NLRC5: variants seen among roughly 807,000 people sequenced by gnomAD.
NLRC5 encodes NLR family CARD domain containing 5.
In NLRC5, 114 loss-of-function variants were observed where a neutral mutation model predicts 206.9. That is an observed-to-expected ratio of 0.55 (90% confidence interval 0.47 to 0.64). NLRC5 has a LOEUF of 0.64. Among genes scored for constraint, NLRC5 ranks in the 30% least tolerant of loss-of-function variants. NLRC5 has a pLI of 0.00. For synonymous variants in NLRC5, 952 were observed against 962.8 expected (o/e 0.99, Z 0.21); for missense variants, 2,008 against 2,305.5 (o/e 0.87, Z 2.64).
chr16:57,045,684 G>A (rs1201894066), intron 21 of NLRC5, among the ~76,000 whole-genome samples, 192 bp downstream of exon 21: 1 of 152,126 alleles, frequency 6.6e-6, no homozygotes, highest in African/African-American at 2.4e-5. Context: ...CAACTGCCCT[G>A]TTTTCCCCTT....
intron 38 of NLRC5, among the ~76,000 whole-genome samples, chr16:57,072,896 G>C (rs529749884): frequency 6.6e-6 from 1 of 151,862 alleles, no homozygotes; most frequent in African/African-American, 2.4e-5. Flanking sequence ...AAATTCTTCC[G>C]CTTGTCCCTC....
intron 19 of NLRC5, among the ~76,000 whole-genome samples, 153 bp downstream of exon 19, chr16:57,042,218 G>A (rs2143710506): frequency 6.6e-6 from 1 of 152,314 alleles, no homozygotes; most frequent in African/African-American, 2.4e-5. Context: ...GTGAAGGCTA[G>A]CTAATAGATG....
chr16:57,017,819 G>A (rs1263578915), intron 2 of NLRC5, among the ~76,000 whole-genome samples: 6 of 152,178 alleles, frequency 3.9e-5, no homozygotes, highest in African/African-American at 1.2e-4. Context: ...TCCCACCAAA[G>A]GCCTAGAAAG....
intron 4 of NLRC5, 67 bp from the exon 5 acceptor site, chr16:57,023,718 G>T (rs542527366): frequency 6.5e-6 from 9 of 1,391,366 alleles, no homozygotes; most frequent in Non-Finnish European, 8.0e-6. Context: ...TTCCCCAAAG[G>T]TTCTGGGTAA....
chr16:57,051,428 T>A, intron 23 of NLRC5, 110 bp from the exon 24 acceptor site: 1 of 769,212 alleles, frequency 1.3e-6, no homozygotes, highest in Non-Finnish European at 2.3e-6. Flanking sequence ...GAGGGAATGT[T>A]TCAGGTGACC....
intron 10 of NLRC5, among the ~76,000 whole-genome samples, chr16:57,030,438 A>G (rs1313768140): frequency 6.7e-5 from 6 of 89,638 alleles, no homozygotes; most frequent in Non-Finnish European, 1.1e-4. Context: ...GTGGATGAAA[A>G]GATGGATGGA....
At chr16:57,038,817 T>A (rs1376636110) in intron 15 of NLRC5, among the ~76,000 whole-genome samples, 1 of 151,468 alleles carries the variant, frequency 6.6e-6, no homozygotes, top group Non-Finnish European at 1.5e-5. Context: ...CACCTGTAAT[T>A]CCAGCTACTC....
In NLRC5 at chr16:57,019,089, G is replaced by C. The variant is rs184053037; in HGVS notation, c.-12-1612G>C. Among the ~76,000 whole-genome samples, 102 of 152,280 alleles carry C rather than the reference G, an allele frequency of 6.7e-4. 2 individuals carry two copies. Among genetic ancestry groups the C allele is most frequent in the African/African-American group, 2.4e-3 (98 of 41,550 alleles). Reference sequence around the variant, plus strand: ...GTGCCCTCTATTGGTACTTCTAGAAGGAGGTGGTTTAAGAGTTCCAGTTCG... The same window carrying C: ...GTGCCCTCTATTGGTACTTCTAGAACGAGGTGGTTTAAGAGTTCCAGTTCG... On this transcript the variant is annotated intron_variant, in intron 2 of 48. Coordinates refer to ENST00000688547, the MANE Select transcript of NLRC5 (RefSeq NM_001384950.1).
At chr16:57,047,449 G>A in intron 22 of NLRC5, 96 bp from the exon 23 acceptor site, 2 of 1,106,718 alleles carry the variant, frequency 1.8e-6, no homozygotes, top group Non-Finnish European at 2.7e-6. Context: ...CTCCCACTTA[G>A]AGTGAGGGAT....
Position 57,026,089 on chromosome 16 carries a change from C to A in NLRC5, c.1146C>A (p.Ala382=). The change falls in exon 6 of 49, where the codon GCC becomes GCA. Residue 382 remains alanine, a synonymous_variant. Transcript: ENST00000688547. Reference sequence around the variant, plus strand: ...AATATGTGAATCACTTCTTCAGCGCCCAGCCATCGCGGGAGGGGGCCCTGG... The same window carrying A: ...AATATGTGAATCACTTCTTCAGCGCACAGCCATCGCGGGAGGGGGCCCTGG... ...VEEYVNHFFS[A]QPSREGALVE... is the part of the protein sequence containing the mutation. The A allele has an allele frequency of 6.2e-7, 1 of 1,614,170 alleles. No individual in the cohort carries two copies. Among genetic ancestry groups the A allele is most frequent in the South Asian group, 1.1e-5 (1 of 91,092 alleles).
At chr16:56,996,141 A>G (rs1356495588) in intron 1 of NLRC5, among the ~76,000 whole-genome samples, 1 of 152,104 alleles carries the variant, frequency 6.6e-6, no homozygotes, top group Non-Finnish European at 1.5e-5. Context: ...CAACAGCATC[A>G]TAGTGTTTTT....
intron 11 of NLRC5, among the ~76,000 whole-genome samples, 169 bp from the exon 12 acceptor site, chr16:57,033,435 C>T (rs930713797): frequency 7.9e-5 from 12 of 152,362 alleles, no homozygotes; most frequent in Admixed American, 2.0e-4. Context: ...TGTTGCCCCT[C>T]CTGCTCTGCT....
At chr16:57,051,721 C>CGCCTTTACCCCCTCCAACCCCCT in intron 24 of NLRC5, 100 bp downstream of exon 24, 1 of 883,258 alleles carries the variant, frequency 1.1e-6, no homozygotes, top group Admixed American at 1.8e-5. Flanking sequence ...CTCAACCCCC[C>CGCCTTTACCCCCTCCAACCCCCT]GCCTTTACCC....
At chr16:57,042,427 G>A (rs928363382) in intron 19 of NLRC5, among the ~76,000 whole-genome samples, 21 of 152,106 alleles carry the variant, frequency 1.4e-4, no homozygotes, top group Non-Finnish European at 2.9e-4. Flanking sequence ...GTTAGCTGGG[G>A]TATGGTCAGG....
chr16:57,069,773 A>G, intron 36 of NLRC5, 63 bp from the exon 37 acceptor site: 1 of 1,369,260 alleles, frequency 7.3e-7, no homozygotes, highest in Non-Finnish European at 1.0e-6. Flanking sequence ...TGCCACCAGC[A>G]TTCAGAGCTC....
chr16:57,072,192 G>C (rs1473673772), intron 38 of NLRC5, among the ~76,000 whole-genome samples: 4 of 152,050 alleles, frequency 2.6e-5, no homozygotes, highest in Non-Finnish European at 4.4e-5. Context: ...GTCCACCTTG[G>C]CTTCCTTCTC....
rs115591978 is a variant in NLRC5, at chr16:56,998,906, A to C, written c.-128+9289A>C. Among the ~76,000 whole-genome samples, 460 of 152,216 alleles carry C rather than the reference A, an allele frequency of 3.0e-3. 2 individuals are homozygous for C. The highest frequency in any genetic ancestry group is 0.011 in the African/African-American group (438 of 41,508). ...CGCTGCTGGAATTTCTTTATCCAAG[A>C]CTCTGTGTGTCTTAGCCCATTGGGG... On this transcript the variant is annotated intron_variant, in intron 1 of 48. Coordinates refer to ENST00000688547, the MANE Select transcript of NLRC5 (RefSeq NM_001384950.1).
chr16:57,059,001 G>A lies in NLRC5; in HGVS notation c.3860G>A (p.Ser1287Asn). 1.9e-6 allele frequency: 3 copies of A among 1,614,152 alleles called. No individual in the cohort carries two copies. The highest frequency in any genetic ancestry group is 2.5e-6 in the Non-Finnish European group (3 of 1,180,004). The part of the protein sequence containing the change: ...DLSHNSISQE[S>N]ALYLLETLPS... ...AGTCACAACAGCATTTCTCAGGAAAGTGCCCTGTACCTGCTGGAGACACTG... is the reference window on the plus strand; with the variant it reads ...AGTCACAACAGCATTTCTCAGGAAAATGCCCTGTACCTGCTGGAGACACTG... The change falls in exon 29 of 49, where the codon AGT becomes AAT. Residue 1287 changes from serine to asparagine, a missense_variant. Transcript: ENST00000688547.
intron 32 of NLRC5, among the ~76,000 whole-genome samples, chr16:57,064,487 C>T (rs1268922951): frequency 6.6e-6 from 1 of 152,224 alleles, no homozygotes; most frequent in African/African-American, 2.4e-5. Flanking sequence ...GTTTTCCACA[C>T]ATCTCTCTCC....
Sources: gnomAD v4.1 joint callset for allele counts (sites outside exome capture counted in the v4.1 genomes callset) on GRCh38, gnomAD v4.1.1 for gene constraint, MANE v1.5 for transcripts, NCBI Gene and HGNC (gene_info 2026-07-23, HGNC 2026-07-21) for gene names.